IL17RE: variants seen among roughly 807,000 people sequenced by gnomAD.
The protein encoded by IL17RE is interleukin 17 receptor E.
In IL17RE, 47 loss-of-function variants were observed where a neutral mutation model predicts 70.7. The observed-to-expected ratio is 0.67, with a 90% confidence interval of 0.53 to 0.85. The LOEUF (loss-of-function observed/expected upper bound fraction) is 0.85. Among genes scored for constraint, IL17RE ranks in the 40% least tolerant of loss-of-function variants. The pLI is 0.00. For synonymous variants in IL17RE, 372 were observed against 381.2 expected, an observed-to-expected ratio of 0.98 and a Z score of 0.28; for missense variants, 850 against 893.9, an observed-to-expected ratio of 0.95 and a Z score of 0.63.
rs746906068 is a variant in IL17RE at position 9,902,920 on chromosome 3, T to G, written c.-13T>G. The G allele has an allele frequency of 6.2e-6, 10 of 1,614,206 alleles. No individual in the cohort carries two copies. Among genetic ancestry groups the G allele is most frequent in the Non-Finnish European group, 8.5e-6 (10 of 1,180,022 alleles). On this transcript the variant is annotated 5_prime_UTR_variant, in exon 1 of 16. In the 5' UTR this introduces an upstream ATG that the reference lacks. Transcript: ENST00000383814. The stretch of plus-strand genomic sequence containing the variant: ...GCAGCCATGTTCCGGGAGCCCTAAT[T>G]GCACAGAAGCCCATGGGGAGCTCCA...
At chr3:9,902,788 G>T, upstream of IL17RE, 1 of 1,550,164 alleles carries the variant, frequency 6.5e-7, no homozygotes, top group East Asian at 2.4e-5. Flanking sequence ...TGGGATCAAG[G>T]AGGAGCTTTC....
Position 9,915,521 on chromosome 3 carries a change from G to A in IL17RE, c.1718G>A (p.Arg573His), listed in dbSNP as rs1209506769. Residue 573 changes from arginine to histidine, a missense_variant, in exon 16 of 16, where the codon CGC becomes CAC. By Grantham distance (29) the Arg-to-His change is conservative. Transcript: ENST00000383814. The surrounding 1 kb of genome is among the most constrained non-coding windows in gnomAD (Gnocchi z 4.9). ...CGCCCGGTCAGCGGCCCCGACCCCC[G>A]CGCCGCGCCCCTGCTCGCCCTGCTC... ...DLRPVSGPDPRAAPLLALLHA... is the reference protein window; with the variant it reads ...DLRPVSGPDPHAAPLLALLHA... 3 of 1,320,488 alleles carry A rather than the reference G, an allele frequency of 2.3e-6. No individual in the cohort carries two copies. Among genetic ancestry groups the A allele is most frequent in the South Asian group, 2.2e-5 (1 of 45,692 alleles). 81.8% of individuals were successfully genotyped at this position (1,320,488 alleles called of 1,614,324 possible).
Position 9,915,437 on chromosome 3 carries a change from G to A in IL17RE, c.1634G>A (p.Arg545Gln). The change falls in exon 16 of 16, where the codon CGG becomes CAG. Residue 545 changes from arginine to glutamine, a missense_variant. By Grantham distance (43) the Arg-to-Gln change is conservative (BLOSUM62 1). Coordinates refer to ENST00000383814, the MANE Select transcript of IL17RE (RefSeq NM_153480.2). The surrounding 1 kb of genome is among the most constrained non-coding windows in gnomAD (Gnocchi z 4.9). The part of the protein sequence containing the change: ...VGPLPWLWAA[R>Q]TRVAREQGTV... ...CCGCTGCCGTGGCTCTGGGCGGCGC[G>A]GACGCGCGTAGCGCGGGAGCAGGGC... The A allele has an allele frequency of 7.4e-7, 1 of 1,354,836 alleles. No individual in the cohort carries two copies. Among genetic ancestry groups the A allele is most frequent in the Non-Finnish European group, 9.4e-7 (1 of 1,062,338 alleles). 83.9% of individuals were successfully genotyped at this position (1,354,836 alleles called of 1,614,324 possible).
In IL17RE at chr3:9,908,600, A is replaced by T. The variant is rs562472816; in HGVS notation, c.735+293A>T. 5.8e-4 allele frequency among the ~76,000 whole-genome samples: 88 copies of T among 152,282 alleles called. 2 individuals carry two copies. The highest frequency in any genetic ancestry group is 3.9e-3 in the South Asian group (19 of 4,824). ...CACAGAGCCAGAATAGGCAGCTGTC[A>T]TTGCTGTGTGTTCTGAGGAGTCGAG... is the stretch of plus-strand genomic sequence containing the variant. On this transcript the variant is annotated intron_variant, in intron 7 of 15. Transcript: ENST00000383814.
intron 1 of IL17RE, 162 bp from the exon 2 acceptor site, chr3:9,903,235 A>C (rs977798986): frequency 2.0e-6 from 2 of 976,152 alleles, no homozygotes; most frequent in African/African-American, 3.2e-5. Context: ...GAGGGCCTGG[A>C]CAGGGTGGAG....
At position 9,915,565 on chromosome 3, in the gene IL17RE, C is replaced by G; in HGVS notation, c.1762C>G (p.Leu588Val). Reference sequence around the variant, plus strand: ...CCTGCTCCACGCTGCCCCGCGCCCGCTGCTGCTGCTCGCTTACTTCAGTCG... The same window carrying G: ...CCTGCTCCACGCTGCCCCGCGCCCGGTGCTGCTGCTCGCTTACTTCAGTCG... The part of the protein sequence containing the change: ...LALLHAAPRP[L>V]LLLAYFSRLC... Residue 588 changes from leucine to valine, a missense_variant, in exon 16 of 16, where the codon CTG becomes GTG. Transcript: ENST00000383814. The surrounding 1 kb of genome is among the most constrained non-coding windows in gnomAD (Gnocchi z 4.9). 7.1e-7 allele frequency: 1 copy of G among 1,412,670 alleles called. No individual in the cohort carries two copies. The highest frequency in any genetic ancestry group is 2.9e-5 in the Admixed American group (1 of 34,712). 87.5% of individuals were successfully genotyped at this position (1,412,670 alleles called of 1,614,324 possible). A position where few individuals can be genotyped will look rare whatever the true frequency, so the allele number is the denominator to read the frequency against.
In IL17RE at chr3:9,905,585, C is replaced by T. The variant is rs541233317; in HGVS notation, c.269-779C>T. Among the ~76,000 whole-genome samples the T allele has an allele frequency of 4.6e-5, 7 of 152,200 alleles. No homozygotes were observed. In the East Asian group the frequency reaches 1.4e-3, roughly 29 times the overall value. ...CCTGTAATCCCAGCACTTTGGGAGG[C>T]TGAGGTGGGCAGATCTTGAGATCAG... On this transcript the variant is annotated intron_variant, in intron 3 of 15. Transcript: ENST00000383814.
chr3:9,912,796 G>T (rs2082923917), intron 12 of IL17RE, among the ~76,000 whole-genome samples: 1 of 152,160 alleles, frequency 6.6e-6, no homozygotes, highest in African/African-American at 2.4e-5. Context: ...GTGAGCTCAG[G>T]AGTCCAAGGC....
intron 6 of IL17RE, among the ~76,000 whole-genome samples, chr3:9,907,938 T>C (rs2082798113): frequency 1.3e-5 from 2 of 152,214 alleles, no homozygotes; most frequent in Middle Eastern, 3.2e-3. Flanking sequence ...ACTGTGATGC[T>C]AGCATGGAGT....
In IL17RE at chr3:9,911,313, G is replaced by A; in HGVS notation, c.1072+13G>A. ...CCCCACCAGACTGGTGAGTCAATAA[G>A]TGACCTCTGCTGGGACCCCCTGCCC... On this transcript the variant is annotated intron_variant, in intron 11 of 15. Coordinates refer to ENST00000383814, the MANE Select transcript of IL17RE (RefSeq NM_153480.2). 6.2e-7 allele frequency: 1 copy of A among 1,614,108 alleles called. No individual in the cohort carries two copies. Among genetic ancestry groups the A allele is most frequent in the South Asian group, 1.1e-5 (1 of 91,080 alleles).
upstream of IL17RE, chr3:9,902,516 G>A: frequency 4.0e-6 from 4 of 1,004,912 alleles, no homozygotes; most frequent in Non-Finnish European, 6.0e-6. Flanking sequence ...TTCTCTAAGT[G>A]AGGGGGTGAA....
intron 3 of IL17RE, among the ~76,000 whole-genome samples, chr3:9,906,015 C>T (rs1407932136): frequency 2.6e-5 from 4 of 151,690 alleles, no homozygotes; most frequent in East Asian, 1.9e-4. Flanking sequence ...TTTGGGAGGC[C>T]GAGGCGGGCG....
Position 9,906,431 on chromosome 3 carries a change from T to C in IL17RE, c.336T>C (p.Tyr112=), listed in dbSNP as rs376578686. The C allele has an allele frequency of 2.5e-6, 4 of 1,613,714 alleles. No individual in the cohort carries two copies. The African/African-American group carries it at 4.0e-5, about 16-fold the overall frequency. Residue 112 remains tyrosine (Y), a synonymous_variant, in exon 4 of 16, where the codon TAT becomes TAC. Coordinates refer to ENST00000383814, the MANE Select transcript of IL17RE (RefSeq NM_153480.2). The part of the protein sequence containing the change: ...KSKKSSTFKF[Y]RRHKMPAPAQ... The stretch of plus-strand genomic sequence containing the variant: ...AAAAGTCTTCCACATTCAAGTTCTA[T>C]AGGAGACACAAGATGCCAGCACCTG...
At chr3:9,906,271 A>G (rs2082753071) in intron 3 of IL17RE, 93 bp from the exon 4 acceptor site, 1 of 541,656 alleles carries the variant, frequency 1.8e-6, no homozygotes, top group African/African-American at 2.0e-5. Context: ...AATAAATAAA[A>G]TAAAATAAAA....
chr3:9,906,518 G>A, intron 4 of IL17RE, 57 bp downstream of exon 4: 1 of 1,439,380 alleles, frequency 6.9e-7, no homozygotes, highest in Non-Finnish European at 9.8e-7. Flanking sequence ...TTGCTTTCTG[G>A]CCTCTCATTT....
intron 3 of IL17RE, 48 bp from the exon 4 acceptor site, chr3:9,906,316 G>A (rs753104137): frequency 1.9e-6 from 2 of 1,063,194 alleles, no homozygotes; most frequent in East Asian, 2.4e-5. Context: ...CTCCAGGCAG[G>A]GGAGGGGGTA....
rs112832580 is a variant in IL17RE at position 9,903,875 on chromosome 3, C to T, written c.149-157C>T. On this transcript the variant is annotated intron_variant, in intron 2 of 15. Transcript: ENST00000383814. ...ACAATTTTGATTTTTATAACAGACC[C>T]GCTTTATGAATGAGGAATCTGATCC... Among the ~76,000 whole-genome samples the T allele has an allele frequency of 6.4e-3, 982 of 152,286 alleles. 8 individuals carry two copies. The highest frequency in any genetic ancestry group is 0.022 in the African/African-American group (920 of 41,536).
Position 9,916,009 on chromosome 3 carries a change from A to C in IL17RE, c.*202A>C. On this transcript the variant is annotated 3_prime_UTR_variant, in exon 16 of 16. Coordinates refer to ENST00000383814, the MANE Select transcript of IL17RE (RefSeq NM_153480.2). ...CTCTTCCTCCTCATACTTTCCCTTG[A>C]CTGAGAGCTCCTCTAACCCCTGTTC... The C allele has an allele frequency of 1.1e-6, 1 of 920,452 alleles. No individual in the cohort carries two copies. The highest frequency in any genetic ancestry group is 1.5e-6 in the Non-Finnish European group (1 of 676,694). The allele number at this position is 920,452 out of a possible 1,614,324, so 57.0% of individuals were successfully genotyped here. A position where few individuals can be genotyped will look rare whatever the true frequency, so the allele number is the denominator to read the frequency against.
intron 15 of IL17RE, 81 bp downstream of exon 15, chr3:9,914,858 G>T: frequency 8.5e-7 from 1 of 1,179,292 alleles, no homozygotes. Flanking sequence ...CCCTGTCTGA[G>T]CTCTCAGCAC....
Sources: allele counts gnomAD v4.1 joint callset (sites outside exome capture counted in the v4.1 genomes callset), GRCh38; gene constraint gnomAD v4.1.1; non-coding constraint Gnocchi (gnomAD v3.1); transcripts MANE v1.5; gene names NCBI Gene and HGNC (gene_info 2026-07-23, HGNC 2026-07-21).